The following PXN variants were observed in gnomAD, a reference collection of about 807,000 sequenced individuals.
The protein encoded by PXN is paxillin, also known as testicular tissue protein Li 134.
Under a neutral mutation model 103.6 loss-of-function variants are expected in PXN, and 61 were observed. That is an observed-to-expected ratio of 0.59 (90% CI 0.48 to 0.73). The LOEUF is 0.73. Ranked by LOEUF, PXN falls within the 30% of genes least tolerant of loss-of-function variation. The pLI is 0.00. For synonymous variants in PXN, 562 were observed against 607.8 expected, an observed-to-expected ratio of 0.92 and a Z score of 1.11; for missense variants, 1,274 against 1,460.3, an observed-to-expected ratio of 0.87 and a Z score of 2.08.
chr12:120,232,451 G>T (rs1293285957), intron 1 of PXN, among the ~76,000 whole-genome samples: 1 of 152,120 alleles, frequency 6.6e-6, no homozygotes, highest in Admixed American at 6.5e-5. Context: ...TCTTTAGGTC[G>T]CCCAGAGATG....
intron 1 of PXN, chr12:120,226,093 G>GT: frequency 1.8e-6 from 2 of 1,124,754 alleles, no homozygotes; most frequent in Non-Finnish European, 2.2e-6. Context: ...AGGTATCTAG[G>GT]TAACGGCAGA....
At position 120,216,195 on chromosome 12, in the gene PXN, CGT is replaced by C; in HGVS notation, c.2301+76_2301+77del. The C allele has an allele frequency of 4.7e-6, 6 of 1,267,420 alleles. No individual in the cohort carries two copies. Among genetic ancestry groups the C allele is most frequent in the East Asian group, 3.1e-5 (1 of 31,926 alleles). The allele number at this position is 1,267,420 out of a possible 1,614,324, so 78.5% of individuals were successfully genotyped here. On this transcript the variant is annotated intron_variant, in intron 9 of 14. Coordinates refer to ENST00000637617, the MANE Select transcript of PXN (RefSeq NM_001385981.1). The surrounding 1 kb of genome is among the most constrained non-coding windows in gnomAD (Gnocchi z 5.1). Reference sequence around the variant, plus strand: ...GGGTATCTGTGTATGTGTGTGTGCACGTGTGTGTGTGCAGAGTGGGGGATGGC... The same window carrying C: ...GGGTATCTGTGTATGTGTGTGTGCACGTGTGTGTGCAGAGTGGGGGATGGC...
In PXN at chr12:120,215,133, G is replaced by A. The variant is rs753461695; in HGVS notation, c.2544C>T (p.Cys848=). Residue 848 remains cysteine (C), a synonymous_variant, in exon 11 of 15, where the codon TGC becomes TGT. Coordinates refer to ENST00000637617, the MANE Select transcript of PXN (RefSeq NM_001385981.1). This position sits in a 1 kb window ranked among gnomAD's most constrained non-coding sequence, Gnocchi z 4.9. ...CGGCGATGGGCTTCTTGCAGGCCCCGCAGACTCCTTTGGCGACTGTGGCGA... is the reference window on the plus strand; with the variant it reads ...CGGCGATGGGCTTCTTGCAGGCCCCACAGACTCCTTTGGCGACTGTGGCGA... The part of the protein sequence containing the change: ...LGVATVAKGV[C]GACKKPIAGQ... 4.4e-6 allele frequency: 7 copies of A among 1,573,576 alleles called. No individual in the cohort carries two copies. The South Asian group carries it at 4.7e-5, about 11-fold the overall frequency.
intron 1 of PXN, among the ~76,000 whole-genome samples, chr12:120,233,317 T>C (rs571097155): frequency 6.6e-6 from 1 of 151,872 alleles, no homozygotes; most frequent in East Asian, 1.9e-4. Flanking sequence ...TAGGCCTCCT[T>C]TTTTTTTGAA....
rs774175381 is a variant in PXN, at chr12:120,219,992, C to T, written c.931G>A (p.Val311Ile). Residue 311 changes from valine to isoleucine, a missense_variant, in exon 7 of 15, where the codon GTA becomes ATA. Coordinates refer to ENST00000637617, the MANE Select transcript of PXN (RefSeq NM_001385981.1). This position sits in a 1 kb window ranked among gnomAD's most constrained non-coding sequence, Gnocchi z 6.5. The part of the protein sequence containing the change: ...LPPSPPPMPS[V>I]FLPPTTIPSP... Reference sequence around the variant, plus strand: ...GGTATAGTGGTGGGTGGCAGAAATACAGATGGCATGGGAGGAGGAGAAGGA... The same window carrying T: ...GGTATAGTGGTGGGTGGCAGAAATATAGATGGCATGGGAGGAGGAGAAGGA... 58 of 1,585,438 alleles carry T rather than the reference C, an allele frequency of 3.7e-5. No homozygotes were observed. The highest frequency in any genetic ancestry group is 4.3e-5 in the Non-Finnish European group (50 of 1,168,808).
In PXN at chr12:120,212,875, G is replaced by A. The variant is rs1164513430; in HGVS notation, c.2980-295C>T. Reference sequence around the variant, plus strand: ...GGATTATTTAGTTCTCCCAACAGGGGAGGCAACTGAAGCACACAGGTGAAG... The same window carrying A: ...GGATTATTTAGTTCTCCCAACAGGGAAGGCAACTGAAGCACACAGGTGAAG... On this transcript the variant is annotated intron_variant, in intron 14 of 14. Coordinates refer to ENST00000637617, the MANE Select transcript of PXN (RefSeq NM_001385981.1). This position sits in a 1 kb window ranked among gnomAD's most constrained non-coding sequence, Gnocchi z 7.2. 3 of 299,150 alleles carry A rather than the reference G, an allele frequency of 1.0e-5. No homozygotes were observed. Among genetic ancestry groups the A allele is most frequent in the African/African-American group, 2.2e-5 (1 of 45,850 alleles). The allele number at this position is 299,150 out of a possible 1,614,324, so 18.5% of individuals were successfully genotyped here. A position where few individuals can be genotyped will look rare whatever the true frequency, so the allele number is the denominator to read the frequency against.
At chr12:120,260,381 T>C (rs1035111612) in intron 1 of PXN, among the ~76,000 whole-genome samples, 2 of 151,820 alleles carry the variant, frequency 1.3e-5, no homozygotes, top group East Asian at 1.9e-4. Flanking sequence ...TGGTGGCTCA[T>C]GCCCCCAGCT....
chr12:120,224,155 TG>T lies in PXN; in HGVS notation c.235del (p.Gln79SerfsTer55). The T allele has an allele frequency of 6.4e-7, 1 of 1,574,116 alleles. No homozygotes were observed. Among genetic ancestry groups the T allele is most frequent in the Non-Finnish European group, 8.6e-7 (1 of 1,158,688 alleles). ...CAGCCACTGTCCCCGCCTCACCTGCTGGTGGATGAATCGGGAGCTGCTGGGC... is the reference window on the plus strand; with the variant it reads ...CAGCCACTGTCCCCGCCTCACCTGCTGTGGATGAATCGGGAGCTGCTGGGC... ...WQPSSSRFIH[Q>X]QPQSSSPVYG... is the part of the protein sequence containing the mutation. On this transcript the variant is annotated frameshift_variant, in exon 2 of 15. Transcript: ENST00000637617. LOFTEE classifies it high-confidence loss of function. This position sits in a 1 kb window ranked among gnomAD's most constrained non-coding sequence, Gnocchi z 5.0.
chr12:120,214,441 A>G lies in PXN; in HGVS notation c.2749-224T>C, dbSNP rs1881791472. 6.6e-6 allele frequency among the ~76,000 whole-genome samples: 1 copy of G among 152,204 alleles called. No individual in the cohort carries two copies. The highest frequency in any genetic ancestry group is 2.1e-4 in the South Asian group (1 of 4,832). ...ACCCTCTCCTCTACTCCTCACCCCA[A>G]GTAGAGGGCACAAGTTCTATGACTC... On this transcript the variant is annotated intron_variant, in intron 12 of 14. Transcript: ENST00000637617. The surrounding 1 kb of genome is among the most constrained non-coding windows in gnomAD (Gnocchi z 5.0).
Position 120,219,154 on chromosome 12 carries a change from A to G in PXN, c.1716+53T>C, listed in dbSNP as rs1884229894. ...GCATGCAGTTAGCGAGGAGCGGCCC[A>G]CACTCAGACCCGCCAATGGCCATGC... On this transcript the variant is annotated intron_variant, in intron 7 of 14. Transcript: ENST00000637617. The surrounding 1 kb of genome is among the most constrained non-coding windows in gnomAD (Gnocchi z 6.5). 1.4e-6 allele frequency: 2 copies of G among 1,463,222 alleles called. No homozygotes were observed. Among genetic ancestry groups the G allele is most frequent in the Non-Finnish European group, 1.8e-6 (2 of 1,105,546 alleles). The allele number at this position is 1,463,222 out of a possible 1,614,324, so 90.6% of individuals were successfully genotyped here.
chr12:120,216,079 GCAGCGGACCTT>G lies in PXN; in HGVS notation c.2301+183_2301+193del. ...GGTGGACCCACAGAAAAGCAAGAGG[GCAGCGGACCTT>G]CTGAGTGGGGGAAGACCGGGGTCAA... On this transcript the variant is annotated intron_variant, in intron 9 of 14. Transcript: ENST00000637617. This position sits in a 1 kb window ranked among gnomAD's most constrained non-coding sequence, Gnocchi z 5.1. 7.7e-7 allele frequency: 1 copy of G among 1,302,986 alleles called. No homozygotes were observed. Among genetic ancestry groups the G allele is most frequent in the East Asian group, 2.9e-5 (1 of 34,018 alleles). The allele number at this position is 1,302,986 out of a possible 1,614,324, so 80.7% of individuals were successfully genotyped here.
Position 120,216,401 on chromosome 12 carries a change from C to G in PXN, c.2173G>C (p.Val725Leu), listed in dbSNP as rs1038383074. ...PSAYTCGSSG[V>L]QSAGEEPHDE... ...TGGGGCTCTTCCCCTGCACTCTGGA[C>G]CCCAGAAGAACCACAGGTATAAGCT... Residue 725 changes from valine to leucine, a missense_variant, in exon 9 of 15, where the codon GTC becomes CTC. Physicochemically the swap from Val to Leu is conservative, Grantham distance 32. Transcript: ENST00000637617. The surrounding 1 kb of genome is among the most constrained non-coding windows in gnomAD (Gnocchi z 5.1). The G allele has an allele frequency of 3.0e-6, 4 of 1,348,894 alleles. No individual in the cohort carries two copies. In the Admixed American group the frequency reaches 1.5e-4, roughly 50 times the overall value. 83.6% of individuals were successfully genotyped at this position (1,348,894 alleles called of 1,614,324 possible). A position where few individuals can be genotyped will look rare whatever the true frequency, so the allele number is the denominator to read the frequency against.
At chr12:120,240,189 T>A in intron 1 of PXN, among the ~76,000 whole-genome samples, 1 of 152,024 alleles carries the variant, frequency 6.6e-6, no homozygotes, top group Middle Eastern at 3.2e-3. Flanking sequence ...ACAAATAAGA[T>A]AACAATCATA....
chr12:120,211,995 C>T lies in PXN; in HGVS notation c.*319G>A, dbSNP rs1476319336. The T allele has an allele frequency of 1.6e-6, 1 of 615,004 alleles. No individual in the cohort carries two copies. The highest frequency in any genetic ancestry group is 1.8e-5 in the Admixed American group (1 of 54,354). The allele number at this position is 615,004 out of a possible 1,614,324, so 38.1% of individuals were successfully genotyped here. A position where few individuals can be genotyped will look rare whatever the true frequency, so the allele number is the denominator to read the frequency against. On this transcript the variant is annotated 3_prime_UTR_variant, in exon 15 of 15. Coordinates refer to ENST00000637617, the MANE Select transcript of PXN (RefSeq NM_001385981.1). ...CTGAAATATGAGGAAGAGATGGCTC[C>T]AGTGTGGGGTGCTGGCCAGGCCAGT...
At position 120,215,429 on chromosome 12, in the gene PXN, G is replaced by C; in HGVS notation, c.2403+131C>G. ...AGGGGCCAGGAGCCCTAAAGTGGGA[G>C]TGACGTCAGCAGGACTCCTGGTGGT... is the stretch of plus-strand genomic sequence containing the variant. On this transcript the variant is annotated intron_variant, in intron 10 of 14. Transcript: ENST00000637617. The surrounding 1 kb of genome is among the most constrained non-coding windows in gnomAD (Gnocchi z 4.9). 1 of 1,452,010 alleles carries C rather than the reference G, an allele frequency of 6.9e-7. No individual in the cohort carries two copies. Among genetic ancestry groups the C allele is most frequent in the Non-Finnish European group, 9.1e-7 (1 of 1,104,072 alleles). The allele number at this position is 1,452,010 out of a possible 1,614,324, so 89.9% of individuals were successfully genotyped here.
Position 120,216,325 on chromosome 12 carries a change from A to G in PXN, c.2249T>C (p.Met750Thr), listed in dbSNP as rs991241728. ...PALPIPAPHT[M>T]RSVGCQTDED... ...ATCAGTCTGGCAGCCCACGGACCTC[A>G]TGGTGTGGGGTGCAGGAATGGGAAG... Residue 750 changes from methionine to threonine, a missense_variant, in exon 9 of 15, where the codon ATG becomes ACG. Transcript: ENST00000637617. This position sits in a 1 kb window ranked among gnomAD's most constrained non-coding sequence, Gnocchi z 5.1. The G allele has an allele frequency of 6.2e-6, 8 of 1,285,894 alleles. No homozygotes were observed. The highest frequency in any genetic ancestry group is 7.8e-6 in the Non-Finnish European group (8 of 1,021,126). 79.7% of individuals were successfully genotyped at this position (1,285,894 alleles called of 1,614,324 possible).
In PXN at chr12:120,219,759, C is replaced by A; in HGVS notation, c.1164G>T (p.Pro388=). 2 of 1,597,400 alleles carry A rather than the reference C, an allele frequency of 1.3e-6. No homozygotes were observed. Among genetic ancestry groups the A allele is most frequent in the South Asian group, 2.2e-5 (2 of 90,862 alleles). The change falls in exon 7 of 15, where the codon CCG becomes CCT. Residue 388 remains proline (P), a synonymous_variant. Transcript: ENST00000637617. This position sits in a 1 kb window ranked among gnomAD's most constrained non-coding sequence, Gnocchi z 6.5. ...CCCCAGAGAGCTCACTTGTGATGGT[C>A]GGCAGGTGCCTCCAATCTCGACCCT... ...ESQGRDWRHL[P]TITSELSGAP...
intron 1 of PXN, among the ~76,000 whole-genome samples, chr12:120,260,165 G>A (rs1893649329): frequency 6.6e-6 from 1 of 152,160 alleles, no homozygotes; most frequent in South Asian, 2.1e-4. Flanking sequence ...CCTGGAACAG[G>A]AGACACTCCC....
intron 1 of PXN, among the ~76,000 whole-genome samples, chr12:120,253,246 G>A (rs1892488350): frequency 6.6e-6 from 1 of 152,168 alleles, no homozygotes; most frequent in South Asian, 2.1e-4. Flanking sequence ...GCCAAGGCAG[G>A]TGGATCACCT....
Sources: allele counts gnomAD v4.1 joint callset (sites outside exome capture counted in the v4.1 genomes callset), GRCh38; gene constraint gnomAD v4.1.1; non-coding constraint Gnocchi (gnomAD v3.1); transcripts MANE v1.5; gene names NCBI Gene and HGNC (gene_info 2026-07-23, HGNC 2026-07-21).